TP73: variants seen among roughly 807,000 people sequenced by gnomAD.
TP73 encodes the protein tumor protein p73, also known as p53-like transcription factor.
TP73 carries 25 observed loss-of-function variants against 62.5 expected under a neutral mutation model. The observed-to-expected ratio is 0.40, with a 90% confidence interval of 0.29 to 0.56. TP73 has a LOEUF of 0.56. TP73 is among the 20% of genes least tolerant of loss of function. TP73 has a pLI of 0.46. For synonymous variants in TP73, 423 were observed against 377.5 expected, an observed-to-expected ratio of 1.12 and a Z score of -1.40; for missense variants, 754 against 913.3, an observed-to-expected ratio of 0.83 and a Z score of 2.25.
intron 4 of TP73, among the ~76,000 whole-genome samples, chr1:3,711,195 C>A: frequency 6.6e-6 from 1 of 152,208 alleles, no homozygotes; most frequent in Non-Finnish European, 1.5e-5. Flanking sequence ...CTTCTTAGGT[C>A]AGGGCAGGGT....
At chr1:3,690,801 G>T in intron 3 of TP73, 1 of 1,530,902 alleles carries the variant, frequency 6.5e-7, no homozygotes, top group Non-Finnish European at 8.8e-7. Context: ...GGTCCACGCT[G>T]CCGGGCGGCC....
intron 3 of TP73, chr1:3,691,064 T>G (rs1181233946): frequency 7.0e-7 from 1 of 1,420,886 alleles, no homozygotes; most frequent in African/African-American, 1.4e-5. Context: ...CTGCTGCCAG[T>G]TGGGGTGAGC....
intron 3 of TP73, among the ~76,000 whole-genome samples, chr1:3,689,184 G>T (rs559951187): frequency 2.0e-3 from 308 of 152,214 alleles, no homozygotes; most frequent in Non-Finnish European, 1.5e-3. Context: ...CCTAGTGCTC[G>T]CCCTGGGCTC....
At position 3,732,969 on chromosome 1, in the gene TP73, G is replaced by C; in HGVS notation, c.1801G>C (p.Gly601Arg). ...RHTITIPNRG[G>R]PGGGPDEWAD... Reference sequence around the variant, plus strand: ...CACCATCACCATCCCCAACCGCGGCGGCCCAGGCGGCGGCCCTGACGAGTG... The same window carrying C: ...CACCATCACCATCCCCAACCGCGGCCGCCCAGGCGGCGGCCCTGACGAGTG... Residue 601 changes from glycine (G) to arginine (R), a missense_variant, in exon 14 of 14, where the codon GGC (glycine) becomes CGC (arginine). This residue lies in a region of TP73 where 458 missense variants were observed against 528.7 expected (regional missense o/e 0.87). Transcript: ENST00000378295. 6.2e-7 allele frequency: 1 copy of C among 1,601,578 alleles called. No homozygotes were observed. Among genetic ancestry groups the C allele is most frequent in the Non-Finnish European group, 8.5e-7 (1 of 1,176,516 alleles).
intron 1 of TP73, among the ~76,000 whole-genome samples, chr1:3,671,248 C>T (rs369621730): frequency 2.6e-5 from 4 of 152,146 alleles, no homozygotes; most frequent in Non-Finnish European, 5.9e-5. Context: ...GAGCTGGGAG[C>T]GTGACGGGAA....
At chr1:3,695,053 C>T (rs986877419) in intron 3 of TP73, among the ~76,000 whole-genome samples, 1 of 152,238 alleles carries the variant, frequency 6.6e-6, no homozygotes, top group Admixed American at 6.5e-5. Flanking sequence ...CTGGATAATC[C>T]TGTGGTGGCT....
chr1:3,711,488 A>G (rs1009689765), intron 4 of TP73, among the ~76,000 whole-genome samples: 2 of 152,262 alleles, frequency 1.3e-5, no homozygotes, highest in Non-Finnish European at 2.9e-5. Flanking sequence ...CGCGATGGGC[A>G]TCGGATGCTG....
chr1:3,668,338 G>C (rs573525130), intron 1 of TP73, among the ~76,000 whole-genome samples: 11 of 152,156 alleles, frequency 7.2e-5, no homozygotes, highest in Non-Finnish European at 1.0e-4. Flanking sequence ...ACACACATCC[G>C]TGCTGTCCAC....
At chr1:3,713,034 G>T (rs1487761904) in intron 4 of TP73, among the ~76,000 whole-genome samples, 2 of 152,228 alleles carry the variant, frequency 1.3e-5, no homozygotes, top group African/African-American at 2.4e-5. Context: ...TGACACCTCA[G>T]AGGGACCTGC....
At chr1:3,708,034 G>T in intron 4 of TP73, 1 of 616,898 alleles carries the variant, frequency 1.6e-6, no homozygotes, top group Non-Finnish European at 2.8e-6. Flanking sequence ...CCACAGAGGG[G>T]ACGGACTTGG....
At chr1:3,712,668 C>A (rs562765530) in intron 4 of TP73, among the ~76,000 whole-genome samples, 34 of 152,324 alleles carry the variant, frequency 2.2e-4, no homozygotes, top group Non-Finnish European at 4.1e-4. Context: ...GGACTTCTTT[C>A]CAGTTTGGGG....
chr1:3,692,833 C>A (rs879621), intron 3 of TP73, among the ~76,000 whole-genome samples: 43,273 of 151,862 alleles, frequency 0.28, 7,307 homozygotes, highest in Non-Finnish European at 0.37. Flanking sequence ...GACGCCATTC[C>A]CGGGAGGGGT....
chr1:3,711,777 C>G (rs3819963), intron 4 of TP73, among the ~76,000 whole-genome samples: 1 of 152,102 alleles, frequency 6.6e-6, no homozygotes, highest in Admixed American at 6.5e-5. Flanking sequence ...AAAGATGGCC[C>G]GGACACAGCC....
intron 4 of TP73, among the ~76,000 whole-genome samples, chr1:3,712,985 C>A (rs1640282573): frequency 6.6e-6 from 1 of 152,156 alleles, no homozygotes; most frequent in South Asian, 2.1e-4. Context: ...GTCCCTGTGA[C>A]CCTCAGGGCC....
In TP73 at chr1:3,725,858, AGTGG is replaced by A. The variant is rs1178680629; in HGVS notation, c.733-1244_733-1241del. Reference sequence around the variant, plus strand: ...TGTGGGTGGGTGAGTGGATGGATGGAGTGGGTGGGTGGGTGGATGGATGGATGGA... The same window carrying A: ...TGTGGGTGGGTGAGTGGATGGATGGAGTGGGTGGGTGGATGGATGGATGGA... On this transcript the variant is annotated intron_variant, in intron 6 of 13. Coordinates refer to ENST00000378295, the MANE Select transcript of TP73 (RefSeq NM_005427.4). 7.7e-4 allele frequency among the ~76,000 whole-genome samples: 4 copies of A among 5,164 alleles called. 1 individual carries two copies. Among genetic ancestry groups the A allele is most frequent in the East Asian group, 3.4e-3 (1 of 292 alleles). The allele number at this position is 5,164 out of a possible 152,430, so 3.4% of individuals were successfully genotyped here. A position where few individuals can be genotyped will look rare whatever the true frequency, so the allele number is the denominator to read the frequency against.
At chr1:3,728,907 G>C (rs2124528206) in intron 9 of TP73, among the ~76,000 whole-genome samples, 1 of 152,320 alleles carries the variant, frequency 6.6e-6, no homozygotes, top group Middle Eastern at 3.4e-3. Context: ...AGGATCGCCT[G>C]AGCCCAGGAG....
chr1:3,663,421 A>G lies in TP73; in HGVS notation c.-34+10780A>G, dbSNP rs1329020737. Among the ~76,000 whole-genome samples the G allele has an allele frequency of 1.3e-5, 2 of 152,176 alleles. No homozygotes were observed. The highest frequency in any genetic ancestry group is 2.9e-5 in the Non-Finnish European group (2 of 68,022). Reference sequence around the variant, plus strand: ...GGTGTGGACAGCACGGAGCGTGATGAAAGGATACAGGCGGCTGGGCGTGGT... The same window carrying G: ...GGTGTGGACAGCACGGAGCGTGATGGAAGGATACAGGCGGCTGGGCGTGGT... On this transcript the variant is annotated intron_variant, in intron 1 of 13. Transcript: ENST00000378295. The surrounding 1 kb of genome is among the most constrained non-coding windows in gnomAD (Gnocchi z 4.7).
At chr1:3,698,419 T>C (rs918194411) in intron 3 of TP73, among the ~76,000 whole-genome samples, 10 of 152,178 alleles carry the variant, frequency 6.6e-5, no homozygotes, top group Admixed American at 1.3e-4. Context: ...CAGGGCCTGA[T>C]GGGGATACAG....
At chr1:3,654,522 T>TCC (rs1437368541) in intron 1 of TP73, among the ~76,000 whole-genome samples, 3 of 152,222 alleles carry the variant, frequency 2.0e-5, no homozygotes, top group Admixed American at 6.5e-5. Flanking sequence ...AGCCTCAGGT[T>TCC]ACCCATCTGC....
Sources: allele counts gnomAD v4.1 joint callset (sites outside exome capture counted in the v4.1 genomes callset), GRCh38; gene constraint gnomAD v4.1.1; regional missense constraint gnomAD v4.1.1; non-coding constraint Gnocchi (gnomAD v3.1); transcripts MANE v1.5; gene names NCBI Gene and HGNC (gene_info 2026-07-23, HGNC 2026-07-21).